Variants in ASNS observed in about 807,000 individuals in gnomAD.
ASNS encodes the protein asparagine synthetase [glutamine-hydrolyzing].
In ASNS, 37 loss-of-function variants were observed where a neutral mutation model predicts 62.6. The observed-to-expected ratio is 0.59, with a 90% CI of 0.45 to 0.78. ASNS has a LOEUF of 0.78. Ranked by LOEUF, ASNS falls within the 30% of genes least tolerant of loss-of-function variation. The pLI is 0.00. For missense variants in ASNS, 520 were observed against 682.4 expected, an observed-to-expected ratio of 0.76 and a Z score of 2.65; for synonymous variants, 207 against 237.9, an observed-to-expected ratio of 0.87 and a Z score of 1.19.
chr7:97,852,841 T>C (rs1021126340), intron 12 of ASNS, among the ~76,000 whole-genome samples: 2 of 152,192 alleles, frequency 1.3e-5, no homozygotes, highest in African/African-American at 4.8e-5. Context: ...AATTCTTACG[T>C]AATTCTTACA....
chr7:97,928,432 G>T, the ASNS span: 1 of 565,718 alleles, frequency 1.8e-6, no homozygotes, highest in Non-Finnish European at 3.0e-6. Flanking sequence ...GCCGGCGCGG[G>T]CTCCTCTGCG....
At chr7:97,853,974 T>C (rs964848296) in intron 10 of ASNS, among the ~76,000 whole-genome samples, 2 of 152,172 alleles carry the variant, frequency 1.3e-5, no homozygotes, top group Non-Finnish European at 2.9e-5. Flanking sequence ...CTTATCTAGG[T>C]GTGATTCAGC....
chr7:97,852,809 T>C lies in ASNS; in HGVS notation c.1476+251A>G, dbSNP rs144971139. Among the ~76,000 whole-genome samples the C allele has an allele frequency of 5.0e-3, 765 of 152,328 alleles. 15 individuals carry two copies. The highest frequency in any genetic ancestry group is 0.017 in the African/African-American group (722 of 41,590). On this transcript the variant is annotated intron_variant, in intron 12 of 12. Transcript: ENST00000394308. ...TCTCTCTCTCGATTCTAGATGCTAC[T>C]TTATAATCCTTCATGCTACTTAATT...
the ASNS span, among the ~76,000 whole-genome samples, chr7:97,884,526 G>A: frequency 6.6e-6 from 1 of 152,108 alleles, no homozygotes; most frequent in Non-Finnish European, 1.5e-5. Context: ...CCAAGCCTGG[G>A]CGTCAAGAGT....
the ASNS span, among the ~76,000 whole-genome samples, chr7:97,889,927 C>CAAAAAAAAAAA: frequency 2.6e-3 from 102 of 38,560 alleles, no homozygotes; most frequent in Non-Finnish European, 3.2e-3. Flanking sequence ...ATAATGAATA[C>CAAAAAAAAAAA]AAAAAAAAAA....
chr7:97,924,676 C>A, the ASNS span, among the ~76,000 whole-genome samples: 2 of 152,158 alleles, frequency 1.3e-5, no homozygotes, highest in Non-Finnish European at 2.9e-5. Flanking sequence ...GGGGAACAGG[C>A]AAGTCTTGTG....
the ASNS span, among the ~76,000 whole-genome samples, chr7:97,925,378 A>G: frequency 4.6e-5 from 7 of 152,178 alleles, no homozygotes; most frequent in South Asian, 1.5e-3. Flanking sequence ...ATGTAGACCA[A>G]TGGCTCTCAA....
chr7:97,855,606 GTA>G (rs1562814059), intron 8 of ASNS, 147 bp from the exon 9 acceptor site: 4 of 505,634 alleles, frequency 7.9e-6, no homozygotes. Flanking sequence ...TAATGACCTT[GTA>G]TTTATAAGCC....
the ASNS span, among the ~76,000 whole-genome samples, chr7:97,909,360 G>A: frequency 7.5e-6 from 1 of 132,704 alleles, no homozygotes; most frequent in Admixed American, 8.9e-5. Flanking sequence ...CTGGAATGCT[G>A]TGCAGTGGTG....
the ASNS span, chr7:97,886,061 C>T: frequency 3.5e-6 from 2 of 572,574 alleles, no homozygotes; most frequent in Non-Finnish European, 6.6e-6. Context: ...CCCAGAATGA[C>T]TCAACCAGAC....
chr7:97,860,554 G>C (rs17169186), intron 4 of ASNS, among the ~76,000 whole-genome samples: 26,371 of 152,112 alleles, frequency 0.17, 4,370 homozygotes, highest in African/African-American at 0.44. Context: ...GCCAGTTCCA[G>C]TATTAGTACA....
the ASNS span, among the ~76,000 whole-genome samples, chr7:97,926,039 C>T: frequency 6.2e-5 from 9 of 145,874 alleles, no homozygotes; most frequent in East Asian, 2.0e-4. Context: ...GAAATCAATG[C>T]CCCCCACCCT....
the ASNS span, among the ~76,000 whole-genome samples, chr7:97,922,094 G>A: frequency 1.7e-4 from 26 of 152,302 alleles, no homozygotes; most frequent in African/African-American, 6.0e-4. Flanking sequence ...GCCAGGCATG[G>A]TGGCTCATGC....
the ASNS span, among the ~76,000 whole-genome samples, chr7:97,896,682 A>G: frequency 0.043 from 5,525 of 127,566 alleles, 370 homozygotes; most frequent in African/African-American, 0.12. Flanking sequence ...GTGTGTGTGT[A>G]TATATATATG....
chr7:97,898,230 G>A, the ASNS span: 6 of 312,720 alleles, frequency 1.9e-5, no homozygotes, highest in Non-Finnish European at 3.6e-5. Flanking sequence ...GAGTAGCTAG[G>A]ATTACAGGCA....
the ASNS span, among the ~76,000 whole-genome samples, chr7:97,878,265 C>CT: frequency 2.0e-5 from 3 of 152,114 alleles, no homozygotes; most frequent in African/African-American, 7.2e-5. Flanking sequence ...GCACACGTCT[C>CT]TAACAACCCA....
At chr7:97,881,754 G>C in the ASNS span, among the ~76,000 whole-genome samples, 4 of 152,130 alleles carry the variant, frequency 2.6e-5, no homozygotes, top group African/African-American at 9.7e-5. Context: ...GATACGATTG[G>C]GTGCAGATGA....
Position 97,853,170 on chromosome 7 carries a change from T to G in ASNS, c.1366A>C (p.Asn456His). ...HLLRETFEDS[N>H]LIPKEILWRP... ...CAGAGAATCTCTTTGGGTATCAGATTGGAATCCTCAAACGTCTCTCTCAGG... is the reference window on the plus strand; with the variant it reads ...CAGAGAATCTCTTTGGGTATCAGATGGGAATCCTCAAACGTCTCTCTCAGG... The change falls in exon 12 of 13, where the codon AAT becomes CAT. Residue 456 changes from asparagine (N) to histidine (H), a missense_variant. Asn to His is a moderately conservative substitution (Grantham distance 68). Coordinates refer to ENST00000394308, the MANE Select transcript of ASNS (RefSeq NM_001673.5). 6.2e-7 allele frequency: 1 copy of G among 1,611,648 alleles called. No individual in the cohort carries two copies.
Position 97,855,367 on chromosome 7 carries a change from T to A in ASNS, c.1123A>T (p.Ile375Leu), listed in dbSNP as rs766097318. 1 of 1,611,376 alleles carries A rather than the reference T, an allele frequency of 6.2e-7. No homozygotes were observed. The highest frequency in any genetic ancestry group is 8.5e-7 in the Non-Finnish European group (1 of 1,178,152). ...EGSDELTQGY[I>L]YFHKAPSPEK... ...AGAGTGGTTACCTTGTGAAAATATA[T>A]GTAACCCTGCGTAAGTTCATCTGAT... Residue 375 changes from isoleucine to leucine, a missense_variant, in exon 9 of 13, where the codon ATA (isoleucine) becomes TTA (leucine). Coordinates refer to ENST00000394308, the MANE Select transcript of ASNS (RefSeq NM_001673.5).
Sources: gnomAD v4.1 joint callset for allele counts (sites outside exome capture counted in the v4.1 genomes callset) on GRCh38, gnomAD v4.1.1 for gene constraint, MANE v1.5 for transcripts, NCBI Gene and HGNC (gene_info 2026-07-23, HGNC 2026-07-21) for gene names.